RHBDF1: variants seen among roughly 807,000 people sequenced by gnomAD.
RHBDF1 encodes the protein rhomboid 5 homolog 1, also known as inactive rhomboid protein 1.
In RHBDF1, 80 loss-of-function variants were observed where a neutral mutation model predicts 98.6. That is an observed-to-expected ratio of 0.81 (90% confidence interval 0.68 to 0.98). The LOEUF (loss-of-function observed/expected upper bound fraction) is 0.98. Among genes scored for constraint, RHBDF1 ranks in the 50% least tolerant of loss-of-function variants. The pLI, the probability that RHBDF1 is intolerant of heterozygous loss-of-function variation, is 0.00. For synonymous variants in RHBDF1, 512 were observed against 486.8 expected (o/e 1.05, Z -0.68); for missense variants, 1,116 against 1,198.3 (o/e 0.93, Z 1.01).
chr16:58,342 A>G lies in RHBDF1; in HGVS notation c.2566T>C (p.Ter856ArgextTer21), dbSNP rs781101905. The G allele has an allele frequency of 6.2e-7, 1 of 1,609,742 alleles. No individual in the cohort carries two copies. Among genetic ancestry groups the G allele is most frequent in the Non-Finnish European group, 8.5e-7 (1 of 1,177,802 alleles). The change falls in exon 18 of 18, where the codon TGA becomes CGA. Residue 856 changes from the stop codon to arginine, a stop_lost. Transcript: ENST00000262316. ...EKYELDAQLH[*>R] ...GGCCGCTGGAGCCCGCAGCCAGCTC[A>G]GTGGAGCTGAGCGTCCAGTTCGTAC...
Position 58,313 on chromosome 16 carries a change from A to C in RHBDF1, c.*27T>G, listed in dbSNP as rs376115174. On this transcript the variant is annotated 3_prime_UTR_variant, in exon 18 of 18. Transcript: ENST00000262316. ...GTGTCTGGCTCTGGCCTGCTGGAGCACACGGCCGCTGGAGCCCGCAGCCAG... is the reference window on the plus strand; with the variant it reads ...GTGTCTGGCTCTGGCCTGCTGGAGCCCACGGCCGCTGGAGCCCGCAGCCAG... 1.3e-6 allele frequency: 2 copies of C among 1,593,904 alleles called. No homozygotes were observed. The highest frequency in any genetic ancestry group is 1.7e-6 in the Non-Finnish European group (2 of 1,169,266).
Position 64,527 on chromosome 16 carries a change from G to A in RHBDF1, c.248+172C>T. On this transcript the variant is annotated intron_variant, in intron 3 of 17. Transcript: ENST00000262316. ...AGGGAGTGGAGCAGGGTAGTGGGGT[G>A]AGAGCGGTCAGTATCCAGAACAGGA... 7 of 1,544,548 alleles carry A rather than the reference G, an allele frequency of 4.5e-6. No homozygotes were observed. In the South Asian group the frequency reaches 7.4e-5, roughly 16 times the overall value.
chr16:63,803 G>A lies in RHBDF1; in HGVS notation c.249-3C>T, dbSNP rs1232398716. The A allele has an allele frequency of 2.5e-6, 4 of 1,612,296 alleles. No homozygotes were observed. Among genetic ancestry groups the A allele is most frequent in the Admixed American group, 1.7e-5 (1 of 59,852 alleles). ...CTCCAAACCAGTCGGCGGTCCCCCT[G>A]GCATGGCAGGGACTCAGCAAGGGGC... On this transcript the variant is annotated splice_region_variant and splice_polypyrimidine_tract_variant and intron_variant, in intron 3 of 17. Transcript: ENST00000262316.
In RHBDF1 at chr16:58,526, C is replaced by T; in HGVS notation, c.2382G>A (p.Lys794=). The change falls in exon 18 of 18, where the codon AAG becomes AAA. Residue 794 remains lysine (K), a synonymous_variant. Coordinates refer to ENST00000262316, the MANE Select transcript of RHBDF1 (RefSeq NM_022450.5). ...GGCAGCGTTTCCGGTACAGGTCGAA[C>T]TTGCCAAAGCTGATGTAGGGCAAGA... ...FAFLPYISFG[K]FDLYRKRCQI... 6.2e-7 allele frequency: 1 copy of T among 1,614,048 alleles called. No individual in the cohort carries two copies. The highest frequency in any genetic ancestry group is 1.1e-5 in the South Asian group (1 of 91,088).
In RHBDF1 at chr16:60,538, G is replaced by A; in HGVS notation, c.1559C>T (p.Ser520Phe). The change falls in exon 12 of 18, where the codon TCC (serine) becomes TTC (phenylalanine). Residue 520 changes from serine to phenylalanine, a missense_variant and splice_region_variant. Physicochemically the swap from Ser to Phe is radical, Grantham distance 155. Coordinates refer to ENST00000262316, the MANE Select transcript of RHBDF1 (RefSeq NM_022450.5). ...CCACTTCACCCACACTGCCAGCGTG[G>A]ACTGTGGGAGGGGGACACAGGGTCA... The part of the protein sequence containing the change: ...CVQTSEEECS[S>F]TLAVWVKWPI... 2.5e-6 allele frequency: 4 copies of A among 1,606,038 alleles called. No homozygotes were observed. The highest frequency in any genetic ancestry group is 1.1e-5 in the South Asian group (1 of 91,050).
rs150863570 is a variant in RHBDF1 at position 62,684 on chromosome 16, G to C, written c.807C>G (p.Leu269=). 1 of 1,614,040 alleles carries C rather than the reference G, an allele frequency of 6.2e-7. No individual in the cohort carries two copies. The highest frequency in any genetic ancestry group is 1.3e-5 in the African/African-American group (1 of 74,944). ...CCGGGTATGTGGACAGCTCTTCATG[G>C]AGGATACCTTCCTGAGCAAACACAT... ...DTSFFAREGI[L]HEELSTYPDE... Residue 269 remains leucine (L), a synonymous_variant, in exon 7 of 18, where the codon CTC becomes CTG. Coordinates refer to ENST00000262316, the MANE Select transcript of RHBDF1 (RefSeq NM_022450.5).
In RHBDF1 at chr16:59,439, C is replaced by G; in HGVS notation, c.1873G>C (p.Glu625Gln). 2 of 1,613,846 alleles carry G rather than the reference C, an allele frequency of 1.2e-6. No individual in the cohort carries two copies. The highest frequency in any genetic ancestry group is 1.7e-6 in the Non-Finnish European group (2 of 1,180,000). The change falls in exon 15 of 18, where the codon GAG (glutamate) becomes CAG (glutamine). Residue 625 changes from glutamate to glutamine, a missense_variant. Physicochemically the swap from Glu to Gln is conservative, Grantham distance 29. Coordinates refer to ENST00000262316, the MANE Select transcript of RHBDF1 (RefSeq NM_022450.5). ...CCTACCTGAGAGCAGAGCGTGGCCT[C>G]CTCATGGAAGTAGCCCCTCATGAAG... ...CDFMRGYFHE[E>Q]ATLCSQVHCM...
At position 62,916 on chromosome 16, in the gene RHBDF1, G is replaced by T. The variant is rs1163904803; in HGVS notation, c.673-19C>A. 1 of 1,613,244 alleles carries T rather than the reference G, an allele frequency of 6.2e-7. No homozygotes were observed. Among genetic ancestry groups the T allele is most frequent in the Non-Finnish European group, 8.5e-7 (1 of 1,179,858 alleles). Reference sequence around the variant, plus strand: ...AGCGGCCCTGGGGACGGGGAAGTGAGCATGAGACCCGGCTGCTGGGTCGGC... The same window carrying T: ...AGCGGCCCTGGGGACGGGGAAGTGATCATGAGACCCGGCTGCTGGGTCGGC... On this transcript the variant is annotated intron_variant, in intron 5 of 17. Transcript: ENST00000262316.
chr16:59,982 A>T (rs1897546903), intron 13 of RHBDF1, 156 bp from the exon 14 acceptor site: 2 of 1,483,650 alleles, frequency 1.3e-6, no homozygotes, highest in African/African-American at 2.8e-5. Context: ...AGTCTCTATC[A>T]AACTGGAATA....
rs1218359261 is a variant in RHBDF1 at position 63,013 on chromosome 16, A to AC, written c.631dup (p.Val211GlyfsTer19). The AC allele has an allele frequency of 6.2e-7, 1 of 1,612,150 alleles. No homozygotes were observed. Among genetic ancestry groups the AC allele is most frequent in the Non-Finnish European group, 8.5e-7 (1 of 1,179,480 alleles). On this transcript the variant is annotated frameshift_variant, in exon 5 of 18. Coordinates refer to ENST00000262316, the MANE Select transcript of RHBDF1 (RefSeq NM_022450.5). LOFTEE classifies it high-confidence loss of function. ...GGCCGCCCGGAAGCTCATCTTGGCC[A>AC]CCGACTCTCGCTTGCGCCGCCGCGG...
rs1427458430 is a variant in RHBDF1 at position 58,306 on chromosome 16, C to T, written c.*34G>A. The T allele has an allele frequency of 6.3e-7, 1 of 1,588,244 alleles. No individual in the cohort carries two copies. Among genetic ancestry groups the T allele is most frequent in the Non-Finnish European group, 8.6e-7 (1 of 1,166,418 alleles). On this transcript the variant is annotated 3_prime_UTR_variant, in exon 18 of 18. Transcript: ENST00000262316. ...GGAGGTCGTGTCTGGCTCTGGCCTG[C>T]TGGAGCACACGGCCGCTGGAGCCCG...
Position 60,226 on chromosome 16 carries a change from G to A in RHBDF1, c.1712C>T (p.Thr571Ile). The A allele has an allele frequency of 1.2e-6, 2 of 1,614,082 alleles. No individual in the cohort carries two copies. Among genetic ancestry groups the A allele is most frequent in the Non-Finnish European group, 1.7e-6 (2 of 1,180,006 alleles). The change falls in exon 13 of 18, where the codon ACC becomes ATC. Residue 571 changes from threonine to isoleucine, a missense_variant. Transcript: ENST00000262316. ...CCCACTGCAGCTCACCGGCCACTTG[G>A]TGATGTCTTCTGGCCACTCATGAGG... The part of the protein sequence containing the change: ...EDPHEWPEDI[T>I]KWPICTKNSA...
In RHBDF1 at chr16:58,190, A is replaced by C; in HGVS notation, c.*150T>G. On this transcript the variant is annotated 3_prime_UTR_variant, in exon 18 of 18. Coordinates refer to ENST00000262316, the MANE Select transcript of RHBDF1 (RefSeq NM_022450.5). ...CCGGCAGTACGAGGGGTTCAACAGA[A>C]GTGAACAAGGCACAAGAAAGAGGTC... 1.4e-6 allele frequency: 1 copy of C among 693,514 alleles called. No homozygotes were observed. Among genetic ancestry groups the C allele is most frequent in the Non-Finnish European group, 2.4e-6 (1 of 419,004 alleles). 43.0% of individuals were successfully genotyped at this position (693,514 alleles called of 1,614,324 possible).
Position 58,231 on chromosome 16 carries a change from G to T in RHBDF1, c.*109C>A. ...GAAAGAGGTCTGTGTTCAGGAAACA[G>T]GCCAGTCCCCACATGGAGCAGGTGA... On this transcript the variant is annotated 3_prime_UTR_variant, in exon 18 of 18. Transcript: ENST00000262316. The T allele has an allele frequency of 9.4e-7, 1 of 1,064,540 alleles. No homozygotes were observed. 65.9% of individuals were successfully genotyped at this position (1,064,540 alleles called of 1,614,324 possible).
At position 62,620 on chromosome 16, in the gene RHBDF1, C is replaced by T. The variant is rs759438956; in HGVS notation, c.871G>A (p.Asp291Asn). The T allele has an allele frequency of 2.4e-5, 38 of 1,613,868 alleles. No homozygotes were observed. Among genetic ancestry groups the T allele is most frequent in the Non-Finnish European group, 3.1e-5 (36 of 1,180,044 alleles). ...GCCTGCTCCGGTGCCTTCTCCCAGT[C>T]CTTTAGCGCTGCCTCCGATGGGGAC... ...FESPSEAALK[D>N]WEKAPEQADL... is the part of the protein sequence containing the mutation. Residue 291 changes from aspartate to asparagine, a missense_variant, in exon 7 of 18, where the codon GAC becomes AAC. Physicochemically the swap from Asp to Asn is conservative, Grantham distance 23. Coordinates refer to ENST00000262316, the MANE Select transcript of RHBDF1 (RefSeq NM_022450.5).
At chr16:72,443 C>T in intron 1 of RHBDF1, 70 bp downstream of exon 1, 1 of 638,100 alleles carries the variant, frequency 1.6e-6, no homozygotes, top group East Asian at 3.7e-4. Flanking sequence ...AGGACTCGCC[C>T]CGCCCTCCGG....
intron 1 of RHBDF1, 74 bp from the exon 2 acceptor site, chr16:65,113 G>A: frequency 8.3e-6 from 12 of 1,453,862 alleles, no homozygotes; most frequent in African/African-American, 1.4e-5. Context: ...GACCCGGGAG[G>A]AGGGAGAAGC....
upstream of RHBDF1, among the ~76,000 whole-genome samples, chr16:75,630 G>A (rs965810807): frequency 6.6e-6 from 1 of 152,166 alleles, no homozygotes; most frequent in Non-Finnish European, 1.5e-5. Context: ...AAGCACCTGG[G>A]CCCAGGGCCT....
In RHBDF1 at chr16:61,942, C is replaced by G. The variant is rs1233255107; in HGVS notation, c.1064G>C (p.Arg355Pro). Residue 355 changes from arginine to proline, a missense_variant, in exon 8 of 18, where the codon CGT becomes CCT. Transcript: ENST00000262316. ...VSTAGPRRGQ[R>P]IAVPVRKLFA... Reference sequence around the variant, plus strand: ...GAGCTTGCGCACCGGCACCGCGATACGCTGGCCCCGTCGCGGCCCCGCGGT... The same window carrying G: ...GAGCTTGCGCACCGGCACCGCGATAGGCTGGCCCCGTCGCGGCCCCGCGGT... 2 of 1,597,904 alleles carry G rather than the reference C, an allele frequency of 1.3e-6. No individual in the cohort carries two copies. Among genetic ancestry groups the G allele is most frequent in the Admixed American group, 1.7e-5 (1 of 59,894 alleles).
Sources: allele counts gnomAD v4.1 joint callset (sites outside exome capture counted in the v4.1 genomes callset), GRCh38; gene constraint gnomAD v4.1.1; transcripts MANE v1.5; gene names NCBI Gene and HGNC (gene_info 2026-07-23, HGNC 2026-07-21).